ABHD12: variants seen among roughly 807,000 people sequenced by gnomAD.
ABHD12 encodes abhydrolase domain containing 12, lysophospholipase.
In ABHD12, 43 loss-of-function variants were observed where a neutral mutation model predicts 58.3. That is an observed-to-expected ratio of 0.74 (90% CI 0.58 to 0.95). The LOEUF is 0.95. Ranked by LOEUF, ABHD12 falls within the 40% of genes least tolerant of loss-of-function variation. ABHD12 has a pLI of 0.00. For synonymous variants in ABHD12, 219 were observed against 211.2 expected, an observed-to-expected ratio of 1.04 and a Z score of -0.32; for missense variants, 539 against 537.2, an observed-to-expected ratio of 1.00 and a Z score of -0.03.
chr20:25,337,827 T>A (rs1247026181), intron 2 of ABHD12, among the ~76,000 whole-genome samples: 2 of 152,230 alleles, frequency 1.3e-5, no homozygotes, highest in Admixed American at 1.3e-4. Context: ...AAAACTCCCA[T>A]CATTTTGGTA....
In ABHD12 at chr20:25,343,396, A is replaced by G. The variant is rs751683221; in HGVS notation, c.192-4045T>C. Among the ~76,000 whole-genome samples, 4 of 152,246 alleles carry G rather than the reference A, an allele frequency of 2.6e-5. 1 individual carries two copies. The highest frequency in any genetic ancestry group is 5.9e-5 in the Non-Finnish European group (4 of 68,048). On this transcript the variant is annotated intron_variant, in intron 1 of 12. Transcript: ENST00000339157. The stretch of plus-strand genomic sequence containing the variant: ...AAATCAGACAAAGACATTACAAAAA[A>G]GAAGACTAAGCTGAGCCTAGTGGTA...
chr20:25,308,754 G>A (rs565667738), intron 7 of ABHD12, among the ~76,000 whole-genome samples: 18 of 152,128 alleles, frequency 1.2e-4, no homozygotes, highest in Admixed American at 7.9e-4. Flanking sequence ...CTCACTGCCC[G>A]TACACTCCCA....
chr20:25,375,631 G>T (rs1011927419), intron 1 of ABHD12, among the ~76,000 whole-genome samples: 1 of 152,192 alleles, frequency 6.6e-6, no homozygotes, highest in Non-Finnish European at 1.5e-5. Flanking sequence ...CTCTCAAGGA[G>T]ATCAGCTAGG....
intron 1 of ABHD12, among the ~76,000 whole-genome samples, chr20:25,378,988 T>C (rs945836022): frequency 6.6e-6 from 1 of 152,212 alleles, no homozygotes; most frequent in African/African-American, 2.4e-5. Flanking sequence ...TATTTAACAA[T>C]GAAGACACTT....
At chr20:25,307,389 C>T (rs892126026) in intron 9 of ABHD12, among the ~76,000 whole-genome samples, 9 of 152,246 alleles carry the variant, frequency 5.9e-5, no homozygotes, top group African/African-American at 2.2e-4. Flanking sequence ...CTGACACAGG[C>T]CCGAGAATCC....
intron 6 of ABHD12, among the ~76,000 whole-genome samples, chr20:25,311,947 A>G (rs953770835): frequency 2.8e-4 from 42 of 152,012 alleles, no homozygotes; most frequent in African/African-American, 1.0e-3. Flanking sequence ...GTTTCAAGCA[A>G]TCTGCCCACC....
chr20:25,329,163 TGGAG>T (rs1247658534), intron 2 of ABHD12, among the ~76,000 whole-genome samples: 2 of 152,192 alleles, frequency 1.3e-5, no homozygotes, highest in Non-Finnish European at 2.9e-5. Flanking sequence ...GCATGCTGGC[TGGAG>T]TCCACCCTGC....
rs1003626304 is a variant in ABHD12, at chr20:25,317,728, G to A, written c.543-650C>T. 3.3e-5 allele frequency among the ~76,000 whole-genome samples: 5 copies of A among 152,318 alleles called. No homozygotes were observed. In the East Asian group the frequency reaches 5.8e-4, roughly 18 times the overall value. ...CAACTACAGCTTCACCGTGCATGTC[G>A]CTACTGAGACTAAGTGGGCTCGGCA... On this transcript the variant is annotated intron_variant, in intron 4 of 12. Transcript: ENST00000339157.
intron 2 of ABHD12, among the ~76,000 whole-genome samples, chr20:25,331,979 C>A (rs1430821189): frequency 3.3e-5 from 5 of 151,952 alleles, no homozygotes; most frequent in African/African-American, 1.2e-4. Flanking sequence ...TGTAAATGGA[C>A]TAAATGCTCC....
rs531621788 is a variant in ABHD12, at chr20:25,312,821, C to G, written c.619+2104G>C. Among the ~76,000 whole-genome samples, 21 of 152,142 alleles carry G rather than the reference C, an allele frequency of 1.4e-4. 1 individual carries two copies. In the South Asian group the frequency reaches 4.4e-3, roughly 32 times the overall value. The stretch of plus-strand genomic sequence containing the variant: ...GTCTGGGATGTGAGGAGCGCCTCTG[C>G]CCGGCCGCGACCCCGTCTGGGAGGT... On this transcript the variant is annotated intron_variant, in intron 6 of 12. Transcript: ENST00000339157.
At chr20:25,300,034 C>G (rs1399559466), downstream of ABHD12, among the ~76,000 whole-genome samples, 1 of 152,042 alleles carries the variant, frequency 6.6e-6, no homozygotes. Flanking sequence ...GAGAAAGGGG[C>G]GAGCAGGTGA....
At chr20:25,339,725 C>T (rs779588475) in intron 1 of ABHD12, 7 of 1,354,722 alleles carry the variant, frequency 5.2e-6, no homozygotes, top group South Asian at 4.7e-5. Flanking sequence ...CCTCCTCAGG[C>T]CTCCCGATCC....
intron 2 of ABHD12, among the ~76,000 whole-genome samples, chr20:25,325,255 C>T (rs1192011080): frequency 6.6e-6 from 1 of 151,384 alleles, no homozygotes; most frequent in Non-Finnish European, 1.5e-5. Context: ...CCCGGCAGCC[C>T]GGCTGCACAG....
At chr20:25,345,342 C>T (rs1214569734) in intron 1 of ABHD12, among the ~76,000 whole-genome samples, 1 of 152,102 alleles carries the variant, frequency 6.6e-6, no homozygotes, top group Non-Finnish European at 1.5e-5. Flanking sequence ...ACCTCAGCCT[C>T]CCAAAGTGCT....
At chr20:25,309,271 T>C (rs1322055650) in intron 7 of ABHD12, among the ~76,000 whole-genome samples, 175 bp downstream of exon 7, 2 of 152,198 alleles carry the variant, frequency 1.3e-5, no homozygotes, top group African/African-American at 2.4e-5. Flanking sequence ...CTCAGATCCT[T>C]TGGAGTCTCT....
exon 13 of ABHD12, chr20:25,294,972 G>T: frequency 6.2e-7 from 1 of 1,614,184 alleles, no homozygotes; most frequent in Non-Finnish European, 8.5e-7. Flanking sequence ...GTTGGCTTCA[G>T]TCACACCAGC....
At chr20:25,355,320 C>A (rs1023453463) in intron 1 of ABHD12, among the ~76,000 whole-genome samples, 6 of 152,084 alleles carry the variant, frequency 3.9e-5, no homozygotes, top group African/African-American at 1.4e-4. Flanking sequence ...AAAAAACAGA[C>A]CCTGTCCCCA....
chr20:25,389,559 G>A (rs1600897570), intron 1 of ABHD12, among the ~76,000 whole-genome samples: 1 of 152,182 alleles, frequency 6.6e-6, no homozygotes, highest in Non-Finnish European at 1.5e-5. Flanking sequence ...GGAATGCTAC[G>A]TTCTACAACA....
At chr20:25,383,691 C>T (rs2090048971) in intron 1 of ABHD12, among the ~76,000 whole-genome samples, 1 of 152,144 alleles carries the variant, frequency 6.6e-6, no homozygotes, top group Non-Finnish European at 1.5e-5. Context: ...CACAGTGGCT[C>T]ACCCCTGTAA....
Sources: allele counts gnomAD v4.1 joint callset (sites outside exome capture counted in the v4.1 genomes callset), GRCh38; gene constraint gnomAD v4.1.1; transcripts MANE v1.5; gene names NCBI Gene and HGNC (gene_info 2026-07-23, HGNC 2026-07-21).